The following BMP7 variants were observed in gnomAD, a reference collection of about 807,000 sequenced individuals.
BMP7 encodes bone morphogenetic protein 7, also known as osteogenic protein 1.
A neutral mutation model predicts 41.2 loss-of-function variants in BMP7; 12 were observed. That is an observed-to-expected ratio of 0.29 (90% CI 0.19 to 0.47). The LOEUF (loss-of-function observed/expected upper bound fraction) is 0.47. Among genes scored for constraint, BMP7 ranks in the 20% least tolerant of loss-of-function variants. The probability of loss-of-function intolerance (pLI) is 0.99; values close to 1 mark genes in which losing one functional copy is unlikely to be tolerated. For missense variants in BMP7, 467 were observed against 606.0 expected (o/e 0.77, Z 2.41); for synonymous variants, 248 against 250.0 (o/e 0.99, Z 0.07).
chr20:57,249,519 T>A (rs1329379145), intron 1 of BMP7, among the ~76,000 whole-genome samples: 6 of 152,180 alleles, frequency 3.9e-5, no homozygotes, highest in Non-Finnish European at 5.9e-5. Flanking sequence ...CTACCCCTGA[T>A]GCAGGGGTGA....
chr20:57,192,203 C>T (rs1369683336), intron 3 of BMP7, among the ~76,000 whole-genome samples: 2 of 119,408 alleles, frequency 1.7e-5, no homozygotes, highest in East Asian at 2.3e-4. Flanking sequence ...AGTATATATA[C>T]TATTACATAT....
Position 57,215,130 on chromosome 20 carries a change from G to A in BMP7, c.612-12507C>T, listed in dbSNP as rs1600627422. 6.6e-6 allele frequency among the ~76,000 whole-genome samples: 1 copy of A among 152,318 alleles called. No homozygotes were observed. Among genetic ancestry groups the A allele is most frequent in the East Asian group, 1.9e-4 (1 of 5,184 alleles). Reference sequence around the variant, plus strand: ...CACACTCCCAGGCCATGGGCACCCAGCTGCACATCCTAGTTGAAGGGAAAC... The same window carrying A: ...CACACTCCCAGGCCATGGGCACCCAACTGCACATCCTAGTTGAAGGGAAAC... On this transcript the variant is annotated intron_variant, in intron 2 of 6. Coordinates refer to ENST00000395863, the MANE Select transcript of BMP7 (RefSeq NM_001719.3). The surrounding 1 kb of genome is among the most constrained non-coding windows in gnomAD (Gnocchi z 4.2).
intron 1 of BMP7, among the ~76,000 whole-genome samples, chr20:57,262,561 G>T: frequency 6.6e-6 from 1 of 152,186 alleles, no homozygotes; most frequent in East Asian, 1.9e-4. Context: ...AAACCAGTTT[G>T]GCGGCAGACA....
chr20:57,246,975 C>T (rs1263323996), intron 1 of BMP7, among the ~76,000 whole-genome samples: 2 of 139,878 alleles, frequency 1.4e-5, no homozygotes, highest in African/African-American at 5.8e-5. Context: ...GGTGACAGAG[C>T]GAGACTCCAT....
At chr20:57,187,107 TGCCTTGGGCAGCTGTCAGGACA>T (rs1312822201) in intron 3 of BMP7, 1 of 152,220 alleles carries the variant, frequency 6.6e-6, no homozygotes, top group East Asian at 1.9e-4. Flanking sequence ...GTGTCTGGCT[TGCCTTGGGCAGCTGTCAGGACA>T]GCCACATCCA....
At chr20:57,199,783 G>A (rs1984580061) in intron 3 of BMP7, among the ~76,000 whole-genome samples, 1 of 152,162 alleles carries the variant, frequency 6.6e-6, no homozygotes, top group South Asian at 2.1e-4. Flanking sequence ...AATCCAAGTG[G>A]GTGATCCTCC....
intron 5 of BMP7, 24 bp from the exon 6 acceptor site, chr20:57,173,334 G>A: frequency 5.6e-6 from 9 of 1,608,040 alleles, no homozygotes; most frequent in Non-Finnish European, 7.7e-6. Flanking sequence ...GAGAGTGTGG[G>A]AAACCATGCA....
chr20:57,243,193 T>C lies in BMP7; in HGVS notation c.419-14772A>G, dbSNP rs540599408. On this transcript the variant is annotated intron_variant, in intron 1 of 6. Coordinates refer to ENST00000395863, the MANE Select transcript of BMP7 (RefSeq NM_001719.3). ...TTCTCAGAGATGTAGGAGAAAGTTT[T>C]TCTTTAAAACTGTGGGATTGGTGGC... Among the ~76,000 whole-genome samples, 14 of 152,220 alleles carry C rather than the reference T, an allele frequency of 9.2e-5. No individual in the cohort carries two copies. In the East Asian group the frequency reaches 2.3e-3, roughly 25 times the overall value.
chr20:57,200,724 G>A (rs1023543188), intron 3 of BMP7, among the ~76,000 whole-genome samples: 2 of 152,244 alleles, frequency 1.3e-5, no homozygotes, highest in African/African-American at 4.8e-5. Context: ...GAACCTGGGA[G>A]GCGGAGGTTA....
At chr20:57,253,051 C>A (rs982327166) in intron 1 of BMP7, among the ~76,000 whole-genome samples, 3 of 152,192 alleles carry the variant, frequency 2.0e-5, no homozygotes, top group Admixed American at 6.5e-5. Flanking sequence ...AAGGGCACTT[C>A]CAAGCTCCAG....
At chr20:57,219,163 C>CTGCT (rs74182714) in intron 2 of BMP7, among the ~76,000 whole-genome samples, 1 of 129,930 alleles carries the variant, frequency 7.7e-6, no homozygotes, top group Non-Finnish European at 1.5e-5. Flanking sequence ...TCAGTGGTAG[C>CTGCT]TGTTCGGTGG....
chr20:57,180,123 C>G (rs1984041969), intron 4 of BMP7, among the ~76,000 whole-genome samples: 1 of 152,136 alleles, frequency 6.6e-6, no homozygotes, highest in South Asian at 2.1e-4. Flanking sequence ...CTGAGCACCC[C>G]CTCGGCACCC....
rs541011869 is a variant in BMP7 at position 57,174,110 on chromosome 20, C to T, written c.1036-800G>A. ...GAGGGCTCAGAGCTGGCTGTGTGCA[C>T]GTACGCCCTGAGTGTGTCTGGGCAT... On this transcript the variant is annotated intron_variant, in intron 5 of 6. Transcript: ENST00000395863. This position sits in a 1 kb window ranked among gnomAD's most constrained non-coding sequence, Gnocchi z 4.3. Among the ~76,000 whole-genome samples, 6 of 152,248 alleles carry T rather than the reference C, an allele frequency of 3.9e-5. No individual in the cohort carries two copies. The South Asian group carries it at 1.0e-3, about 26-fold the overall frequency.
chr20:57,233,549 C>T (rs1468248209), intron 1 of BMP7, among the ~76,000 whole-genome samples: 3 of 152,136 alleles, frequency 2.0e-5, no homozygotes, highest in Non-Finnish European at 4.4e-5. Context: ...CACCTGGGCG[C>T]CCCCCCTTCA....
At chr20:57,262,636 C>T (rs549983391) in intron 1 of BMP7, among the ~76,000 whole-genome samples, 28 of 152,282 alleles carry the variant, frequency 1.8e-4, no homozygotes, top group African/African-American at 6.0e-4. Context: ...TCCCCCCTCC[C>T]GCGCACGCAG....
At chr20:57,263,257 C>T (rs973331328) in intron 1 of BMP7, among the ~76,000 whole-genome samples, 2 of 152,224 alleles carry the variant, frequency 1.3e-5, no homozygotes, top group Non-Finnish European at 2.9e-5. Flanking sequence ...AGCCCAAAGC[C>T]AGCCTGACTG....
rs970846310 is a variant in BMP7 at position 57,213,643 on chromosome 20, G to C, written c.612-11020C>G. ...AAATGGAAGGCTCTCCCTCATTAGA[G>C]ACACAGCCACCAGCAGAGACAATCA... On this transcript the variant is annotated intron_variant, in intron 2 of 6. Transcript: ENST00000395863. This position sits in a 1 kb window ranked among gnomAD's most constrained non-coding sequence, Gnocchi z 4.4. Among the ~76,000 whole-genome samples the C allele has an allele frequency of 6.6e-6, 1 of 152,206 alleles. No homozygotes were observed. Among genetic ancestry groups the C allele is most frequent in the Non-Finnish European group, 1.5e-5 (1 of 68,040 alleles).
intron 3 of BMP7, among the ~76,000 whole-genome samples, chr20:57,188,621 C>T (rs1984277110): frequency 6.6e-6 from 1 of 151,402 alleles, no homozygotes; most frequent in South Asian, 2.1e-4. Flanking sequence ...TTAGATCTCA[C>T]ATTTTTTAAA....
chr20:57,185,496 C>T (rs891122581), intron 3 of BMP7, among the ~76,000 whole-genome samples: 1 of 152,208 alleles, frequency 6.6e-6, no homozygotes, highest in Non-Finnish European at 1.5e-5. Flanking sequence ...GGACTGTTTA[C>T]CAAGGTAGGG....
Sources: allele counts gnomAD v4.1 joint callset (sites outside exome capture counted in the v4.1 genomes callset), GRCh38; gene constraint gnomAD v4.1.1; non-coding constraint Gnocchi (gnomAD v3.1); transcripts MANE v1.5; gene names NCBI Gene and HGNC (gene_info 2026-07-23, HGNC 2026-07-21).